Variants in ASIC2 observed in about 807,000 individuals in gnomAD.
ASIC2 encodes acid-sensing ion channel 2.
ASIC2 carries 25 observed loss-of-function variants against 57.3 expected under a neutral mutation model. That is an observed-to-expected ratio of 0.44 (90% CI 0.32 to 0.61). The LOEUF is 0.61. ASIC2 is among the 20% of genes least tolerant of loss of function. The pLI, the probability that ASIC2 is intolerant of heterozygous loss-of-function variation, is 0.06. For synonymous variants in ASIC2, 319 were observed against 307.5 expected, an observed-to-expected ratio of 1.04 and a Z score of -0.39; for missense variants, 641 against 738.1, an observed-to-expected ratio of 0.87 and a Z score of 1.52.
intron 1 of ASIC2, among the ~76,000 whole-genome samples, chr17:33,498,627 G>T (rs1195383581): frequency 1.3e-5 from 2 of 152,194 alleles, no homozygotes; most frequent in Admixed American, 1.3e-4. Context: ...GACTCAAGGA[G>T]CCCTTGCTCT....
intron 2 of ASIC2, among the ~76,000 whole-genome samples, chr17:33,096,674 G>A (rs965200109): frequency 2.6e-5 from 4 of 152,210 alleles, no homozygotes; most frequent in Non-Finnish European, 4.4e-5. Context: ...GATGGAAAGT[G>A]CTAGGAGAAG....
intron 1 of ASIC2, among the ~76,000 whole-genome samples, chr17:33,739,993 A>G (rs538238452): frequency 5.2e-4 from 79 of 151,866 alleles, no homozygotes; most frequent in African/African-American, 1.9e-3. Flanking sequence ...GAAAAAAGAA[A>G]GAAAGAAAAA....
chr17:33,103,249 C>T (rs771735861), intron 2 of ASIC2, among the ~76,000 whole-genome samples: 5 of 152,084 alleles, frequency 3.3e-5, no homozygotes, highest in African/African-American at 4.8e-5. Flanking sequence ...TATCAAAAGG[C>T]GTATATGGTG....
chr17:33,217,093 A>C (rs1336717126), intron 1 of ASIC2, among the ~76,000 whole-genome samples: 2 of 152,240 alleles, frequency 1.3e-5, no homozygotes, highest in Admixed American at 1.3e-4. Flanking sequence ...TGAATGTTAC[A>C]GTAAATTAAA....
intron 1 of ASIC2, among the ~76,000 whole-genome samples, chr17:33,944,019 T>C (rs1004599924): frequency 6.6e-6 from 1 of 152,134 alleles, no homozygotes; most frequent in African/African-American, 2.4e-5. Context: ...GGATCCTAGA[T>C]AGGATTTGTG....
At chr17:33,950,476 G>C (rs1045462695) in intron 1 of ASIC2, among the ~76,000 whole-genome samples, 1 of 152,228 alleles carries the variant, frequency 6.6e-6, no homozygotes, top group East Asian at 1.9e-4. Context: ...CAATAGAGAA[G>C]TGAGTTATAA....
At chr17:33,429,355 G>A (rs1479378318) in intron 1 of ASIC2, among the ~76,000 whole-genome samples, 3 of 152,050 alleles carry the variant, frequency 2.0e-5, no homozygotes, top group African/African-American at 7.2e-5. Flanking sequence ...GAAGTACCTT[G>A]TTCAGCCTAG....
intron 3 of ASIC2, among the ~76,000 whole-genome samples, chr17:33,041,651 A>G (rs910684149): frequency 4.6e-5 from 7 of 152,154 alleles, no homozygotes; most frequent in Non-Finnish European, 1.0e-4. Context: ...GCTGGCTTAA[A>G]TGCTCCTTCT....
chr17:33,514,015 T>TG (rs1219287706), intron 1 of ASIC2, among the ~76,000 whole-genome samples: 1 of 152,190 alleles, frequency 6.6e-6, no homozygotes, highest in Non-Finnish European at 1.5e-5. Flanking sequence ...GACACACTGC[T>TG]GGGGGCATGA....
intron 1 of ASIC2, among the ~76,000 whole-genome samples, chr17:33,819,483 T>C (rs1269043978): frequency 6.6e-6 from 1 of 152,190 alleles, no homozygotes; most frequent in Non-Finnish European, 1.5e-5. Flanking sequence ...GCATTAATGC[T>C]CTGTACTGAG....
At position 33,446,728 on chromosome 17, in the gene ASIC2, C is replaced by T. The variant is rs375632287; in HGVS notation, c.556-334661G>A. 1.1e-4 allele frequency among the ~76,000 whole-genome samples: 16 copies of T among 152,232 alleles called. No individual in the cohort carries two copies. In the South Asian group the frequency reaches 2.3e-3, roughly 22 times the overall value. On this transcript the variant is annotated intron_variant, in intron 1 of 9. Coordinates refer to the ASIC2 transcript ENST00000359872. ...TTCATCCCAGTACCTTGCACAGACC[C>T]AGAATGGACTAGGTGTGCAATAAAT...
intron 1 of ASIC2, among the ~76,000 whole-genome samples, chr17:33,480,369 C>G (rs1050673654): frequency 6.6e-6 from 1 of 152,138 alleles, no homozygotes; most frequent in Non-Finnish European, 1.5e-5. Context: ...AAGGAGGTAA[C>G]AATTCCAGTT....
intron 1 of ASIC2, among the ~76,000 whole-genome samples, chr17:33,166,167 A>G (rs1383083098): frequency 6.6e-6 from 1 of 152,188 alleles, no homozygotes; most frequent in Non-Finnish European, 1.5e-5. Flanking sequence ...CTGAATTTAC[A>G]CAATTGCTCT....
At chr17:33,028,613 C>A (rs1467050339) in intron 3 of ASIC2, among the ~76,000 whole-genome samples, 3 of 152,130 alleles carry the variant, frequency 2.0e-5, no homozygotes, top group Non-Finnish European at 4.4e-5. Flanking sequence ...TTTTGAACTC[C>A]TGGCTCAAGC....
At chr17:34,091,517 G>A (rs938702448) in intron 1 of ASIC2, among the ~76,000 whole-genome samples, 2 of 152,200 alleles carry the variant, frequency 1.3e-5, no homozygotes, top group Admixed American at 1.3e-4. Context: ...ACTGGGGAGT[G>A]GGAGAATCCC....
At chr17:33,167,200 A>T (rs375845872) in intron 1 of ASIC2, among the ~76,000 whole-genome samples, 5 of 152,016 alleles carry the variant, frequency 3.3e-5, no homozygotes, top group Middle Eastern at 6.8e-3. Context: ...CACCATCACC[A>T]GCCCCTGGTC....
intron 1 of ASIC2, among the ~76,000 whole-genome samples, chr17:34,099,296 A>AAGG (rs1567821160): frequency 4.0e-5 from 5 of 125,362 alleles, no homozygotes; most frequent in South Asian, 2.3e-4. Context: ...AGGAAGGAAG[A>AAGG]AAGAAAGAGA....
At chr17:33,071,751 T>C (rs764394434) in intron 3 of ASIC2, among the ~76,000 whole-genome samples, 2 of 152,192 alleles carry the variant, frequency 1.3e-5, no homozygotes, top group Non-Finnish European at 2.9e-5. Flanking sequence ...GGGTTTTGCT[T>C]GAAGATTTGT....
intron 1 of ASIC2, among the ~76,000 whole-genome samples, chr17:33,359,177 C>A (rs1468936419): frequency 1.3e-5 from 2 of 152,196 alleles, no homozygotes; most frequent in African/African-American, 2.4e-5. Context: ...CCAGCCAGAG[C>A]AAGTTGAAAA....
Sources: gnomAD v4.1 joint callset for allele counts (sites outside exome capture counted in the v4.1 genomes callset) on GRCh38, gnomAD v4.1.1 for gene constraint, MANE v1.5 for transcripts, NCBI Gene and HGNC (gene_info 2026-07-23, HGNC 2026-07-21) for gene names.